Variants in CADPS2 observed in about 807,000 individuals in gnomAD.
The protein encoded by CADPS2 is calcium dependent secretion activator 2, also known as calcium-dependent secretion activator 2.
Under a neutral mutation model 172.5 loss-of-function variants are expected in CADPS2, and 93 were observed. The observed-to-expected ratio is 0.54, with a 90% CI of 0.46 to 0.64. CADPS2 has a LOEUF of 0.64. Among genes scored for constraint, CADPS2 ranks in the 30% least tolerant of loss-of-function variants. The probability of loss-of-function intolerance (pLI) is 0.00; values close to 1 mark genes in which losing one functional copy is unlikely to be tolerated. For missense variants in CADPS2, 1,420 were observed against 1,565.9 expected (o/e 0.91, Z 1.57); for synonymous variants, 546 against 555.2 (o/e 0.98, Z 0.23).
intron 1 of CADPS2, among the ~76,000 whole-genome samples, chr7:122,870,426 C>T (rs1819467121): frequency 6.6e-6 from 1 of 151,748 alleles, no homozygotes; most frequent in South Asian, 2.1e-4. Context: ...AATATATGTG[C>T]ATAGAAACAG....
At chr7:122,875,700 T>C (rs1439497518) in intron 1 of CADPS2, among the ~76,000 whole-genome samples, 1 of 152,106 alleles carries the variant, frequency 6.6e-6, no homozygotes, top group African/African-American at 2.4e-5. Context: ...AATATGTAAA[T>C]ACTGGTTCAA....
chr7:122,602,162 A>G (rs1387134593), intron 6 of CADPS2, among the ~76,000 whole-genome samples: 3 of 151,722 alleles, frequency 2.0e-5, no homozygotes, highest in African/African-American at 2.4e-5. Context: ...AAATAATTAC[A>G]TAATGCATAG....
At chr7:122,457,140 A>G (rs1421209621) in intron 14 of CADPS2, among the ~76,000 whole-genome samples, 1 of 152,216 alleles carries the variant, frequency 6.6e-6, no homozygotes, top group Non-Finnish European at 1.5e-5. Context: ...TTTAGTTTCT[A>G]TAAAGGTAAA....
At chr7:122,343,835 T>C (rs556694243) in intron 28 of CADPS2, among the ~76,000 whole-genome samples, 47 of 152,344 alleles carry the variant, frequency 3.1e-4, no homozygotes, top group African/African-American at 9.9e-4. Context: ...AAACATATGC[T>C]TGTAAATTCA....
intron 2 of CADPS2, among the ~76,000 whole-genome samples, chr7:122,693,041 C>T (rs181692894): frequency 5.9e-5 from 9 of 152,330 alleles, no homozygotes; most frequent in African/African-American, 1.7e-4. Flanking sequence ...TGGAGTTATA[C>T]GCCTGCACTC....
chr7:122,553,835 G>A (rs1241914479), intron 8 of CADPS2, among the ~76,000 whole-genome samples: 1 of 152,056 alleles, frequency 6.6e-6, no homozygotes, highest in African/African-American at 2.4e-5. Flanking sequence ...CTTTCCTAAT[G>A]GCTAATACCC....
chr7:122,595,902 G>A (rs1158835769), intron 6 of CADPS2, among the ~76,000 whole-genome samples: 1 of 152,036 alleles, frequency 6.6e-6, no homozygotes, highest in Non-Finnish European at 1.5e-5. Flanking sequence ...GCATAGAGCA[G>A]AGGCAAGTGG....
At position 122,445,673 on chromosome 7, in the gene CADPS2, C is replaced by A. The variant is rs148626976; in HGVS notation, c.2289-4098G>T. Among the ~76,000 whole-genome samples the A allele has an allele frequency of 7.3e-3, 1,111 of 152,134 alleles. 12 individuals carry two copies. The highest frequency in any genetic ancestry group is 0.025 in the African/African-American group (1,040 of 41,518). On this transcript the variant is annotated intron_variant, in intron 15 of 29. Transcript: ENST00000449022. ...TCTCTGTAAAAGAAAATATTATCTG[C>A]GCATGGTGGCATGTGCCTGTGGTCC...
intron 1 of CADPS2, among the ~76,000 whole-genome samples, chr7:122,758,813 T>C (rs984984543): frequency 1.3e-5 from 2 of 152,106 alleles, no homozygotes; most frequent in African/African-American, 2.4e-5. Context: ...ACCAAAGTGA[T>C]AGCTGCAAAC....
intron 1 of CADPS2, among the ~76,000 whole-genome samples, chr7:122,832,807 G>A (rs555984090): frequency 6.6e-6 from 1 of 152,262 alleles, no homozygotes; most frequent in Admixed American, 6.5e-5. Context: ...ATCCATGCAA[G>A]TATCACCCAA....
At chr7:122,481,140 T>C (rs13238360) in intron 11 of CADPS2, among the ~76,000 whole-genome samples, 5,966 of 150,488 alleles carry the variant, frequency 0.04, 211 homozygotes, top group Non-Finnish European at 0.055. Flanking sequence ...TCTGATGAGG[T>C]AGAACATTTT....
chr7:122,493,215 A>G (rs551514676), intron 9 of CADPS2, among the ~76,000 whole-genome samples: 1 of 152,258 alleles, frequency 6.6e-6, no homozygotes, highest in East Asian at 1.9e-4. Context: ...CTCAGAACAC[A>G]TGTTGGAAAA....
At chr7:122,571,974 C>T (rs2067326853) in intron 7 of CADPS2, among the ~76,000 whole-genome samples, 1 of 152,058 alleles carries the variant, frequency 6.6e-6, no homozygotes, top group South Asian at 2.1e-4. Flanking sequence ...TCACTTTAGG[C>T]CTTTCCTTAA....
chr7:122,461,467 A>G (rs920292059), intron 14 of CADPS2, among the ~76,000 whole-genome samples: 2 of 152,346 alleles, frequency 1.3e-5, no homozygotes, highest in Middle Eastern at 3.4e-3. Flanking sequence ...CCATACAAAG[A>G]AACCTTACAG....
intron 5 of CADPS2, among the ~76,000 whole-genome samples, chr7:122,616,510 T>C (rs1373839398): frequency 2.6e-5 from 4 of 152,128 alleles, no homozygotes; most frequent in Non-Finnish European, 5.9e-5. Flanking sequence ...TCATAAAATA[T>C]ATAGGAAACT....
intron 1 of CADPS2, among the ~76,000 whole-genome samples, chr7:122,774,195 G>C (rs932637408): frequency 6.7e-6 from 1 of 149,976 alleles, no homozygotes; most frequent in African/African-American, 2.4e-5. Context: ...TGATTTTGAA[G>C]TTAAAAATTA....
chr7:122,802,871 G>A (rs544839197), intron 1 of CADPS2, among the ~76,000 whole-genome samples: 8 of 152,340 alleles, frequency 5.3e-5, no homozygotes, highest in Admixed American at 3.9e-4. Context: ...CAAATGGAAC[G>A]TAGAGCACAA....
intron 25 of CADPS2, among the ~76,000 whole-genome samples, chr7:122,362,015 T>G (rs1447867938): frequency 2.0e-5 from 3 of 151,934 alleles, no homozygotes; most frequent in African/African-American, 7.3e-5. Context: ...TGTGGTGAGC[T>G]GAGATCATGC....
rs184760807 is a variant in CADPS2 at position 122,763,525 on chromosome 7, C to A, written c.340-26457G>T. Among the ~76,000 whole-genome samples the A allele has an allele frequency of 2.7e-3, 415 of 152,218 alleles. 1 individual carries two copies. The highest frequency in any genetic ancestry group is 9.7e-3 in the African/African-American group (401 of 41,546). On this transcript the variant is annotated intron_variant, in intron 1 of 29. Transcript: ENST00000449022. ...TTTTGGGATAATACTGTCAGTAATG[C>A]CATCATATCCATCGTCAAAATGGAC...
Sources: gnomAD v4.1 joint callset for allele counts (sites outside exome capture counted in the v4.1 genomes callset) on GRCh38, gnomAD v4.1.1 for gene constraint, MANE v1.5 for transcripts, NCBI Gene and HGNC (gene_info 2026-07-23, HGNC 2026-07-21) for gene names.